The following CALN1 variants were observed in gnomAD, a reference collection of about 807,000 sequenced individuals.
The protein encoded by CALN1 is calneuron 1.
Under a neutral mutation model 30.6 loss-of-function variants are expected in CALN1, and 17 were observed. That is an observed-to-expected ratio of 0.56 (90% CI 0.38 to 0.83). The LOEUF is 0.83. Among genes scored for constraint, CALN1 ranks in the 40% least tolerant of loss-of-function variants. The probability of loss-of-function intolerance (pLI) is 0.00; values close to 1 mark genes in which losing one functional copy is unlikely to be tolerated. For synonymous variants in CALN1, 156 were observed against 131.4 expected, an observed-to-expected ratio of 1.19 and a Z score of -1.28; for missense variants, 291 against 354.9, an observed-to-expected ratio of 0.82 and a Z score of 1.45.
At chr7:71,867,485 A>C (rs972095414) in intron 5 of CALN1, among the ~76,000 whole-genome samples, 2 of 151,712 alleles carry the variant, frequency 1.3e-5, no homozygotes, top group Non-Finnish European at 2.9e-5. Context: ...TCCAGGCTGG[A>C]GTGCAGCGGT....
At chr7:71,811,161 T>C (rs924531762) in intron 5 of CALN1, among the ~76,000 whole-genome samples, 1 of 151,292 alleles carries the variant, frequency 6.6e-6, no homozygotes, top group African/African-American at 2.4e-5. Flanking sequence ...CCTCCCAAAG[T>C]GCTAGGATTA....
intron 1 of CALN1, among the ~76,000 whole-genome samples, chr7:72,408,369 C>T (rs1420746634): frequency 1.3e-5 from 2 of 151,910 alleles, no homozygotes; most frequent in African/African-American, 2.4e-5. Flanking sequence ...CACTTGAACC[C>T]GGGAGGTGGA....
chr7:71,847,965 G>A (rs951906549), intron 5 of CALN1, among the ~76,000 whole-genome samples: 1 of 152,066 alleles, frequency 6.6e-6, no homozygotes, highest in Non-Finnish European at 1.5e-5. Flanking sequence ...CCAGCCATGT[G>A]GAACTGTGAG....
chr7:72,357,881 T>TG (rs1286642194), intron 2 of CALN1, among the ~76,000 whole-genome samples: 1 of 149,550 alleles, frequency 6.7e-6, no homozygotes, highest in East Asian at 1.9e-4. Context: ...TTTTTTTAGA[T>TG]GGAGTCCCCA....
chr7:72,362,492 G>A (rs541928328), intron 2 of CALN1, among the ~76,000 whole-genome samples: 1 of 152,048 alleles, frequency 6.6e-6, no homozygotes, highest in Non-Finnish European at 1.5e-5. Flanking sequence ...ATCTGGTCTG[G>A]GTACCACGCT....
intron 6 of CALN1, among the ~76,000 whole-genome samples, chr7:71,799,233 G>A (rs1053875810): frequency 2.0e-5 from 3 of 152,110 alleles, no homozygotes; most frequent in African/African-American, 7.2e-5. Context: ...AACTGCATGA[G>A]GAAGATTGTA....
rs483953 is a variant in CALN1, at chr7:72,252,817, G to A, written c.244+25869C>T. 2.0e-5 allele frequency among the ~76,000 whole-genome samples: 3 copies of A among 151,968 alleles called. No individual in the cohort carries two copies. In the East Asian group the frequency reaches 5.8e-4, roughly 29 times the overall value. ...TTTTATAATATAATATACTATGCCT[G>A]CTGCCACAAGAGCAGAAGCTCTGTG... On this transcript the variant is annotated intron_variant, in intron 3 of 6. Coordinates refer to ENST00000395275, the MANE Select transcript of CALN1 (RefSeq NM_031468.4).
the CALN1 span, among the ~76,000 whole-genome samples, chr7:72,484,939 T>A: frequency 1.3e-5 from 2 of 152,194 alleles, no homozygotes; most frequent in Non-Finnish European, 2.9e-5. Context: ...ATCTGGGAAA[T>A]CTGATCTCTG....
intron 3 of CALN1, among the ~76,000 whole-genome samples, chr7:72,188,193 TTTGCAA>T (rs1790342323): frequency 7.0e-6 from 1 of 142,552 alleles, no homozygotes; most frequent in Non-Finnish European, 1.5e-5. Flanking sequence ...AGCAGCACGA[TTTGCAA>T]TTACAAAAAT....
At chr7:72,143,430 G>C (rs1457824915) in intron 3 of CALN1, among the ~76,000 whole-genome samples, 1 of 152,098 alleles carries the variant, frequency 6.6e-6, no homozygotes, top group Non-Finnish European at 1.5e-5. Flanking sequence ...AGAGAAAAAA[G>C]AATAAAAAGA....
chr7:72,348,096 G>C (rs1279229805), intron 2 of CALN1, among the ~76,000 whole-genome samples: 1 of 152,102 alleles, frequency 6.6e-6, no homozygotes, highest in African/African-American at 2.4e-5. Context: ...ACTCCAGCCT[G>C]GACAACAGAG....
chr7:71,888,933 C>T (rs982644620), intron 5 of CALN1, among the ~76,000 whole-genome samples: 6 of 152,154 alleles, frequency 3.9e-5, no homozygotes, highest in African/African-American at 1.4e-4. Context: ...CCCTTTTGTT[C>T]ACAATGTAGG....
At chr7:72,399,600 T>C (rs1296253163) in intron 2 of CALN1, among the ~76,000 whole-genome samples, 1 of 152,126 alleles carries the variant, frequency 6.6e-6, no homozygotes, top group African/African-American at 2.4e-5. Context: ...TAAGTCACAG[T>C]TCACTAATTT....
intron 5 of CALN1, among the ~76,000 whole-genome samples, chr7:71,966,942 A>G (rs1346335259): frequency 1.3e-5 from 2 of 152,232 alleles, no homozygotes; most frequent in Non-Finnish European, 1.5e-5. Context: ...TGTCAGAACA[A>G]CAGAAAGATA....
intron 5 of CALN1, among the ~76,000 whole-genome samples, chr7:71,882,027 T>C (rs1005415222): frequency 1.3e-5 from 2 of 152,120 alleles, no homozygotes; most frequent in Non-Finnish European, 2.9e-5. Flanking sequence ...GAGCTGATTG[T>C]GCTACTGGAC....
At chr7:71,962,011 C>T (rs1319800289) in intron 5 of CALN1, among the ~76,000 whole-genome samples, 3 of 152,090 alleles carry the variant, frequency 2.0e-5, no homozygotes, top group Non-Finnish European at 4.4e-5. Flanking sequence ...ACCTGCCTAC[C>T]CTATGTCCAT....
chr7:72,029,681 G>C (rs1438459643), intron 4 of CALN1, among the ~76,000 whole-genome samples: 1 of 152,182 alleles, frequency 6.6e-6, no homozygotes, highest in African/African-American at 2.4e-5. Context: ...CCTAATGTAT[G>C]AGGTTCAGAC....
chr7:72,366,034 A>G (rs547530570), intron 2 of CALN1, among the ~76,000 whole-genome samples: 22 of 152,294 alleles, frequency 1.4e-4, no homozygotes, highest in African/African-American at 5.1e-4. Flanking sequence ...ACATGTTTAT[A>G]AGGATGTGGA....
At chr7:72,356,920 T>C (rs1211074431) in intron 2 of CALN1, among the ~76,000 whole-genome samples, 1 of 152,008 alleles carries the variant, frequency 6.6e-6, no homozygotes. Context: ...AACGTATGTC[T>C]TGCTCTAAAA....
Sources: gnomAD v4.1 joint callset for allele counts (sites outside exome capture counted in the v4.1 genomes callset) on GRCh38, gnomAD v4.1.1 for gene constraint, MANE v1.5 for transcripts, NCBI Gene and HGNC (gene_info 2026-07-23, HGNC 2026-07-21) for gene names.